Variants in SPAG16 observed in about 807,000 individuals in gnomAD.
The protein encoded by SPAG16 is sperm associated antigen 16.
Under a neutral mutation model 80.4 loss-of-function variants are expected in SPAG16, and 86 were observed. The ratio of observed to expected loss-of-function variants is 1.07; its 90% CI spans 0.90 to 1.28. The LOEUF is 1.28. SPAG16 is among the 50% of genes most tolerant of loss of function. SPAG16 has a pLI of 0.00. For synonymous variants in SPAG16, 294 were observed against 265.9 expected, an observed-to-expected ratio of 1.11 and a Z score of -1.03; for missense variants, 870 against 765.3, an observed-to-expected ratio of 1.14 and a Z score of -1.61.
At chr2:214,054,505 T>C (rs2049832474) in intron 13 of SPAG16, among the ~76,000 whole-genome samples, 1 of 152,170 alleles carries the variant, frequency 6.6e-6, no homozygotes, top group Non-Finnish European at 1.5e-5. Flanking sequence ...ATACTTCCTT[T>C]GCAAAATTCA....
chr2:213,668,866 T>C (rs897972787), intron 10 of SPAG16, among the ~76,000 whole-genome samples: 1 of 152,120 alleles, frequency 6.6e-6, no homozygotes, highest in Non-Finnish European at 1.5e-5. Flanking sequence ...GCCAGGAGGG[T>C]CTCGGTCTCC....
chr2:213,504,152 T>C (rs886283631), intron 10 of SPAG16, among the ~76,000 whole-genome samples: 6 of 152,214 alleles, frequency 3.9e-5, no homozygotes, highest in African/African-American at 9.6e-5. Context: ...GGAAGGACTA[T>C]GCAGGGGCTC....
chr2:213,536,496 T>G (rs2076252818), intron 10 of SPAG16, among the ~76,000 whole-genome samples: 1 of 152,180 alleles, frequency 6.6e-6, no homozygotes, highest in Non-Finnish European at 1.5e-5. Flanking sequence ...ACCTGTTGTT[T>G]CCTGACTTTT....
intron 10 of SPAG16, among the ~76,000 whole-genome samples, chr2:213,858,694 T>A (rs2075282210): frequency 6.6e-6 from 1 of 152,166 alleles, no homozygotes; most frequent in African/African-American, 2.4e-5. Flanking sequence ...GAAGAGGAAC[T>A]GAATCCTATA....
At chr2:214,349,891 G>A (rs549765766) in intron 15 of SPAG16, among the ~76,000 whole-genome samples, 3 of 152,244 alleles carry the variant, frequency 2.0e-5, no homozygotes, top group African/African-American at 7.2e-5. Flanking sequence ...TGAAGTGTCT[G>A]CACCAATATT....
chr2:214,172,535 G>A (rs370001761), intron 15 of SPAG16, among the ~76,000 whole-genome samples: 3 of 152,128 alleles, frequency 2.0e-5, no homozygotes, highest in East Asian at 3.9e-4. Context: ...AGTCTTTGCT[G>A]TTGTGAATAG....
At chr2:213,870,820 A>G (rs1275234292) in intron 11 of SPAG16, among the ~76,000 whole-genome samples, 1 of 152,152 alleles carries the variant, frequency 6.6e-6, no homozygotes, top group Non-Finnish European at 1.5e-5. Flanking sequence ...TTGTAGAAAG[A>G]AAATAATTTT....
At chr2:213,453,113 CT>C (rs2071799568) in intron 9 of SPAG16, among the ~76,000 whole-genome samples, 1 of 152,040 alleles carries the variant, frequency 6.6e-6, no homozygotes, top group South Asian at 2.1e-4. Context: ...CTCTTGTTTC[CT>C]TTTTTCTTAG....
chr2:214,190,559 C>T (rs1190280722), intron 15 of SPAG16, among the ~76,000 whole-genome samples: 1 of 152,046 alleles, frequency 6.6e-6, no homozygotes, highest in Non-Finnish European at 1.5e-5. Flanking sequence ...TTATCTCCAG[C>T]CTGTTGTATA....
intron 10 of SPAG16, among the ~76,000 whole-genome samples, chr2:213,780,571 C>CTTTTTTTTTTTTTTTTTT (rs367744311): frequency 8.0e-6 from 1 of 124,598 alleles, no homozygotes. Flanking sequence ...TCTTTTCTTT[C>CTTTTTTTTTTTTTTTTTT]TTTTTTTTTT....
chr2:213,831,413 G>GT (rs34179061), intron 10 of SPAG16, among the ~76,000 whole-genome samples: 3,229 of 148,004 alleles, frequency 0.022, 61 homozygotes, highest in Middle Eastern at 0.042. Flanking sequence ...TAATTCAGGT[G>GT]TTTTTTTTTT....
intron 11 of SPAG16, among the ~76,000 whole-genome samples, chr2:213,897,725 TC>T (rs1336645299): frequency 6.6e-6 from 1 of 152,142 alleles, no homozygotes; most frequent in African/African-American, 2.4e-5. Flanking sequence ...GCATCTAATT[TC>T]TAATTCCAGC....
chr2:214,275,128 G>T (rs1287810915), intron 15 of SPAG16, among the ~76,000 whole-genome samples: 1 of 152,094 alleles, frequency 6.6e-6, no homozygotes, highest in East Asian at 1.9e-4. Flanking sequence ...TATTTCTGTG[G>T]GATCAGTGGT....
intron 13 of SPAG16, among the ~76,000 whole-genome samples, chr2:214,061,054 A>C (rs1369713735): frequency 6.6e-6 from 1 of 152,158 alleles, no homozygotes; most frequent in Non-Finnish European, 1.5e-5. Context: ...CTCTAAGAGG[A>C]GAAGTTGAAA....
rs145210714 is a variant in SPAG16 at position 213,553,908 on chromosome 2, C to G, written c.1070+63818C>G. Among the ~76,000 whole-genome samples, 36 of 152,250 alleles carry G rather than the reference C, an allele frequency of 2.4e-4. No individual in the cohort carries two copies. The East Asian group carries it at 5.8e-3, about 24-fold the overall frequency. ...GACTCCTCTGCTGCTTTACAAACAC[C>G]CTTTCTTTGAATACTGTTACAGACT... is the stretch of plus-strand genomic sequence containing the variant. On this transcript the variant is annotated intron_variant, in intron 10 of 15. Transcript: ENST00000331683.
chr2:214,253,716 A>G (rs1484570725), intron 15 of SPAG16, among the ~76,000 whole-genome samples: 1 of 152,066 alleles, frequency 6.6e-6, no homozygotes, highest in Non-Finnish European at 1.5e-5. Context: ...CACTCATAGT[A>G]TAGTTTGAAG....
chr2:213,859,685 G>A (rs1454501008), intron 10 of SPAG16, among the ~76,000 whole-genome samples: 2 of 152,192 alleles, frequency 1.3e-5, no homozygotes, highest in Admixed American at 1.3e-4. Context: ...TGGGTTCAAA[G>A]TTGGCTTCCG....
intron 9 of SPAG16, among the ~76,000 whole-genome samples, chr2:213,441,313 A>C (rs2070938317): frequency 6.6e-6 from 1 of 152,236 alleles, no homozygotes; most frequent in Non-Finnish European, 1.5e-5. Context: ...TCCATCTATG[A>C]AAATGTAGAA....
At chr2:214,176,273 C>CT (rs71399120) in intron 15 of SPAG16, among the ~76,000 whole-genome samples, 87 of 150,878 alleles carry the variant, frequency 5.8e-4, no homozygotes, top group South Asian at 1.3e-3. Context: ...AAAGAAACTT[C>CT]TTTTTTTAAA....
Sources: allele counts gnomAD v4.1 joint callset (sites outside exome capture counted in the v4.1 genomes callset), GRCh38; gene constraint gnomAD v4.1.1; transcripts MANE v1.5; gene names NCBI Gene and HGNC (gene_info 2026-07-23, HGNC 2026-07-21).